The following RFX4 variants were observed in gnomAD, a reference collection of about 807,000 sequenced individuals.
RFX4 encodes regulatory factor X4.
A neutral mutation model predicts 95.0 loss-of-function variants in RFX4; 10 were observed. That is an observed-to-expected ratio of 0.11 (90% CI 0.06 to 0.18). The LOEUF (loss-of-function observed/expected upper bound fraction) is 0.18. RFX4 is among the 10% of genes least tolerant of loss of function. The probability of loss-of-function intolerance (pLI) is 1.00; values close to 1 mark genes in which losing one functional copy is unlikely to be tolerated. For synonymous variants in RFX4, 321 were observed against 340.7 expected (o/e 0.94, Z 0.64); for missense variants, 640 against 922.0 (o/e 0.69, Z 3.96).
chr12:106,706,314 A>T (rs918281401), intron 8 of RFX4, among the ~76,000 whole-genome samples: 1 of 152,200 alleles, frequency 6.6e-6, no homozygotes, highest in Non-Finnish European at 1.5e-5. Context: ...AGGAGTTTTA[A>T]TCGGAATTAC....
chr12:106,630,863 A>C (rs575716951), intron 2 of RFX4, among the ~76,000 whole-genome samples: 3 of 152,346 alleles, frequency 2.0e-5, no homozygotes, highest in African/African-American at 7.2e-5. Context: ...GCAGATAATA[A>C]CTTCTCTAAA....
intron 1 of RFX4, chr12:106,601,301 G>A: frequency 1.3e-6 from 2 of 1,595,338 alleles, no homozygotes; most frequent in Non-Finnish European, 1.7e-6. Context: ...AGCCCACCCT[G>A]GTGCGGGAGG....
At position 106,759,025 on chromosome 12, in the gene RFX4, G is replaced by A. The variant is rs181498572; in HGVS notation, c.1936-2172G>A. 6.9e-3 allele frequency among the ~76,000 whole-genome samples: 1,052 copies of A among 152,328 alleles called. 17 individuals are homozygous for A. The highest frequency in any genetic ancestry group is 0.024 in the African/African-American group (1,008 of 41,558). On this transcript the variant is annotated intron_variant, in intron 17 of 17. Transcript: ENST00000392842. ...CACCATGCCAGATGTTGGGAACATGGTGTTGAACACAGCAAAGCCCCATCA... is the reference window on the plus strand; with the variant it reads ...CACCATGCCAGATGTTGGGAACATGATGTTGAACACAGCAAAGCCCCATCA...
Position 106,719,949 on chromosome 12 carries a change from T to C in RFX4, c.1139-11T>C. 1.9e-6 allele frequency: 3 copies of C among 1,610,894 alleles called. No individual in the cohort carries two copies. The highest frequency in any genetic ancestry group is 1.7e-6 in the Non-Finnish European group (2 of 1,177,084). ...GCAGTGATGCGTGTGGGGTTCTCCT[T>C]TGTTTGACAGTATATCAGGAGTTTG... On this transcript the variant is annotated splice_polypyrimidine_tract_variant and intron_variant, in intron 11 of 17. Transcript: ENST00000392842.
intron 2 of RFX4, among the ~76,000 whole-genome samples, chr12:106,638,569 G>A (rs1182431569): frequency 3.9e-5 from 6 of 152,036 alleles, no homozygotes; most frequent in African/African-American, 1.2e-4. Context: ...AGTCTGTTCA[G>A]GTTTTCATAA....
At chr12:106,591,389 T>G (rs550352576) in intron 1 of RFX4, among the ~76,000 whole-genome samples, 1 of 146,814 alleles carries the variant, frequency 6.8e-6, no homozygotes, top group Non-Finnish European at 1.5e-5. Flanking sequence ...TGTCTCAGCC[T>G]CCTGAGTAGC....
intron 4 of RFX4, among the ~76,000 whole-genome samples, chr12:106,665,363 A>G (rs2041155480): frequency 6.6e-6 from 1 of 151,756 alleles, no homozygotes; most frequent in Admixed American, 6.6e-5. Flanking sequence ...TTTACTTTTA[A>G]TCTACATGGA....
intron 11 of RFX4, 83 bp from the exon 12 acceptor site, chr12:106,719,876 GT>G: frequency 9.3e-7 from 1 of 1,080,418 alleles, no homozygotes; most frequent in Non-Finnish European, 1.4e-6. Context: ...TTTATTCAAA[GT>G]TTTGTTCCTC....
intron 1 of RFX4, among the ~76,000 whole-genome samples, chr12:106,594,635 C>G (rs1254023908): frequency 1.3e-5 from 2 of 152,090 alleles, no homozygotes; most frequent in African/African-American, 4.8e-5. Context: ...GAGCTCGCCC[C>G]GCATGTACTG....
chr12:106,704,677 C>A (rs1354199444), intron 8 of RFX4, among the ~76,000 whole-genome samples: 3 of 152,144 alleles, frequency 2.0e-5, no homozygotes, highest in Non-Finnish European at 4.4e-5. Flanking sequence ...ATAGAGATAA[C>A]CATGGATCAT....
At chr12:106,746,307 G>C (rs1026366475) in intron 15 of RFX4, among the ~76,000 whole-genome samples, 3 of 144,770 alleles carry the variant, frequency 2.1e-5, no homozygotes, top group African/African-American at 7.9e-5. Context: ...AGTGAGCTGA[G>C]ATTATGCCAC....
chr12:106,714,556 AT>A (rs1472698269), intron 10 of RFX4, among the ~76,000 whole-genome samples: 1 of 152,086 alleles, frequency 6.6e-6, no homozygotes, highest in African/African-American at 2.4e-5. Context: ...AATTTTTTTT[AT>A]TTTATTAAAA....
At chr12:106,592,802 T>C (rs970875107) in intron 1 of RFX4, among the ~76,000 whole-genome samples, 11 of 152,318 alleles carry the variant, frequency 7.2e-5, no homozygotes, top group African/African-American at 2.6e-4. Flanking sequence ...TGCATTTATA[T>C]ATATATTTTT....
At chr12:106,691,355 G>T (rs2041778274) in intron 7 of RFX4, among the ~76,000 whole-genome samples, 1 of 152,186 alleles carries the variant, frequency 6.6e-6, no homozygotes, top group South Asian at 2.1e-4. Context: ...TCACACAGTT[G>T]GTTAGGGCCA....
intron 10 of RFX4, among the ~76,000 whole-genome samples, chr12:106,712,443 C>T (rs1333511612): frequency 6.6e-6 from 1 of 152,152 alleles, no homozygotes; most frequent in African/African-American, 2.4e-5. Context: ...ATGTCACCTG[C>T]CTGCCCCCTT....
intron 8 of RFX4, among the ~76,000 whole-genome samples, chr12:106,697,154 C>T (rs1447465509): frequency 2.0e-5 from 3 of 152,084 alleles, no homozygotes; most frequent in Non-Finnish European, 4.4e-5. Context: ...ACAGAGTGGG[C>T]GAGAACCTGT....
At chr12:106,656,965 C>G (rs976879980) in intron 4 of RFX4, among the ~76,000 whole-genome samples, 1 of 152,192 alleles carries the variant, frequency 6.6e-6, no homozygotes, top group Non-Finnish European at 1.5e-5. Flanking sequence ...AATGCAAATG[C>G]TCTGTGCAGC....
chr12:106,729,618 A>C (rs2042572268), intron 13 of RFX4, among the ~76,000 whole-genome samples: 1 of 152,206 alleles, frequency 6.6e-6, no homozygotes, highest in African/African-American at 2.4e-5. Flanking sequence ...TCCTTTGTAA[A>C]AGGAAAGTAT....
intron 1 of RFX4, among the ~76,000 whole-genome samples, chr12:106,607,563 A>C (rs2039863243): frequency 1.4e-5 from 1 of 73,066 alleles, no homozygotes; most frequent in African/African-American, 6.0e-5. Context: ...TGCTAAGTAT[A>C]ATGGGGGGTG....
Sources: allele counts gnomAD v4.1 joint callset (sites outside exome capture counted in the v4.1 genomes callset), GRCh38; gene constraint gnomAD v4.1.1; transcripts MANE v1.5; gene names NCBI Gene and HGNC (gene_info 2026-07-23, HGNC 2026-07-21).